LARP1B: variants seen among roughly 807,000 people sequenced by gnomAD.
LARP1B encodes the protein La ribonucleoprotein 1B.
A neutral mutation model predicts 114.2 loss-of-function variants in LARP1B; 76 were observed. The ratio of observed to expected loss-of-function variants is 0.67; its 90% CI spans 0.55 to 0.81. The LOEUF (loss-of-function observed/expected upper bound fraction) is 0.81, where lower values mean the gene tolerates loss of function less well. Ranked by LOEUF, LARP1B falls within the 30% of genes least tolerant of loss-of-function variation. The pLI is 0.00. For missense variants in LARP1B, 1,014 were observed against 1,075.8 expected (o/e 0.94, Z 0.80); for synonymous variants, 345 against 348.0 (o/e 0.99, Z 0.10).
intron 5 of LARP1B, among the ~76,000 whole-genome samples, chr4:128,089,078 T>C (rs1580155532): frequency 6.6e-6 from 1 of 152,126 alleles, no homozygotes; most frequent in East Asian, 1.9e-4. Flanking sequence ...AAGAGTCATT[T>C]GGCATTGTCT....
chr4:128,186,016 A>G (rs1044331557), intron 15 of LARP1B, among the ~76,000 whole-genome samples: 4 of 150,330 alleles, frequency 2.7e-5, no homozygotes, highest in Admixed American at 6.6e-5. Flanking sequence ...TAAATTTTCT[A>G]TTTTGTTCCA....
intron 12 of LARP1B, among the ~76,000 whole-genome samples, chr4:128,176,221 A>ATATATAAT: frequency 7.0e-6 from 1 of 143,534 alleles, no homozygotes; most frequent in African/African-American, 2.5e-5. Context: ...TTATATATAA[A>ATATATAAT]TTTATATATA....
chr4:128,094,034 A>G (rs1380609160), intron 7 of LARP1B, among the ~76,000 whole-genome samples: 1 of 150,966 alleles, frequency 6.6e-6, no homozygotes, highest in Non-Finnish European at 1.5e-5. Context: ...AAACATTTTA[A>G]AAACTTTTTA....
intron 11 of LARP1B, among the ~76,000 whole-genome samples, chr4:128,148,304 G>T (rs560656147): frequency 2.0e-5 from 3 of 151,852 alleles, no homozygotes; most frequent in African/African-American, 7.3e-5. Flanking sequence ...GGTGGTGGGC[G>T]CCTATAACCC....
chr4:128,156,286 A>C, intron 11 of LARP1B: 1 of 841,104 alleles, frequency 1.2e-6, no homozygotes, highest in Non-Finnish European at 1.9e-6. Context: ...TGGCCTGGAC[A>C]GTATCCCATA....
intron 11 of LARP1B, among the ~76,000 whole-genome samples, chr4:128,155,167 C>CA (rs1734889131): frequency 6.6e-6 from 1 of 152,128 alleles, no homozygotes. Flanking sequence ...ACAACAACAA[C>CA]AAAAACAAAA....
intron 15 of LARP1B, among the ~76,000 whole-genome samples, chr4:128,198,920 G>C (rs1755094000): frequency 6.6e-6 from 1 of 152,160 alleles, no homozygotes; most frequent in South Asian, 2.1e-4. Context: ...AGATTTAGGA[G>C]ATAGATCAAA....
At chr4:128,178,264 A>G (rs1000198945) in intron 13 of LARP1B, among the ~76,000 whole-genome samples, 167 bp from the exon 14 acceptor site, 2 of 151,970 alleles carry the variant, frequency 1.3e-5, no homozygotes, top group Non-Finnish European at 2.9e-5. Context: ...AAAATTTTAT[A>G]AAGCTAGATA....
chr4:128,089,866 G>A (rs1380023828), intron 5 of LARP1B, among the ~76,000 whole-genome samples: 1 of 151,604 alleles, frequency 6.6e-6, no homozygotes, highest in African/African-American at 2.4e-5. Context: ...CGCCTCCCAG[G>A]TTCAAACAAT....
At chr4:128,084,885 G>A (rs1772795202) in intron 5 of LARP1B, among the ~76,000 whole-genome samples, 2 of 151,982 alleles carry the variant, frequency 1.3e-5, no homozygotes, top group African/African-American at 4.8e-5. Flanking sequence ...TGTTTGAGAT[G>A]GAGTCTCGTT....
intron 7 of LARP1B, chr4:128,222,260 G>A (rs1561600402): frequency 2.2e-6 from 1 of 451,980 alleles, no homozygotes; most frequent in Non-Finnish European, 4.5e-6. Context: ...TGATTTCCAT[G>A]AAGCAGTTAC....
chr4:128,204,683 T>A (rs1319929174), intron 17 of LARP1B, among the ~76,000 whole-genome samples: 1 of 150,120 alleles, frequency 6.7e-6, no homozygotes, highest in Non-Finnish European at 1.5e-5. Flanking sequence ...AATTAAAAAA[T>A]AAATAAATAA....
chr4:128,174,506 C>G (rs1745094818), intron 12 of LARP1B, among the ~76,000 whole-genome samples: 1 of 151,872 alleles, frequency 6.6e-6, no homozygotes, highest in Non-Finnish European at 1.5e-5. Context: ...AGATGTTGAT[C>G]TTACAAAATT....
intron 7 of LARP1B, among the ~76,000 whole-genome samples, chr4:128,221,964 C>G (rs1760071367): frequency 6.6e-6 from 1 of 152,190 alleles, no homozygotes; most frequent in Non-Finnish European, 1.5e-5. Flanking sequence ...ACTTAGTAAA[C>G]ATGAGCTATC....
chr4:128,075,164 TG>T (rs1272402329), intron 3 of LARP1B, among the ~76,000 whole-genome samples, 171 bp downstream of exon 3: 36 of 152,252 alleles, frequency 2.4e-4, no homozygotes, highest in African/African-American at 7.7e-4. Flanking sequence ...TGCAGTGGTG[TG>T]ATCACAGCTC....
chr4:128,137,430 G>A (rs1286680550), intron 11 of LARP1B, among the ~76,000 whole-genome samples: 4 of 152,178 alleles, frequency 2.6e-5, no homozygotes, highest in Non-Finnish European at 5.9e-5. Flanking sequence ...CAGAGGGGAA[G>A]AACAAGAGGC....
intron 11 of LARP1B, among the ~76,000 whole-genome samples, chr4:128,137,791 A>G (rs200090519): frequency 1.6e-5 from 1 of 63,562 alleles, no homozygotes; most frequent in Non-Finnish European, 3.6e-5. Flanking sequence ...ATATATATAT[A>G]TTTTTTTTTT....
At chr4:128,090,378 T>C (rs1433453140) in intron 5 of LARP1B, among the ~76,000 whole-genome samples, 2 of 152,200 alleles carry the variant, frequency 1.3e-5, no homozygotes, top group African/African-American at 4.8e-5. Context: ...CGGCCTTGTA[T>C]GATTATTGAC....
Position 128,082,287 on chromosome 4 carries a change from A to G in LARP1B, c.340A>G (p.Arg114Gly), listed in dbSNP as rs1366239822. Residue 114 changes from arginine to glycine, a missense_variant, in exon 5 of 20, where the codon AGG (arginine) becomes GGG (glycine). By Grantham distance (125) the Arg-to-Gly change is moderately radical. Coordinates refer to ENST00000326639, the MANE Select transcript of LARP1B (RefSeq NM_018078.4). Reference sequence around the variant, plus strand: ...AGCAAATAAACCAACACATAACAATAGGAGAAATGATACACGAAGTAAGTT... The same window carrying G: ...AGCAAATAAACCAACACATAACAATGGGAGAAATGATACACGAAGTAAGTT... ...PEANKPTHNN[R>G]RNDTRSWKRD... The G allele has an allele frequency of 5.6e-6, 9 of 1,613,824 alleles. No homozygotes were observed. The Admixed American group carries it at 8.3e-5, about 15-fold the overall frequency.
Sources: allele counts gnomAD v4.1 joint callset (sites outside exome capture counted in the v4.1 genomes callset), GRCh38; gene constraint gnomAD v4.1.1; transcripts MANE v1.5; gene names NCBI Gene and HGNC (gene_info 2026-07-23, HGNC 2026-07-21).